Variants in UBE2H observed in about 807,000 individuals in gnomAD.
The protein encoded by UBE2H is ubiquitin-conjugating enzyme E2 H.
In UBE2H, 3 loss-of-function variants were observed where a neutral mutation model predicts 29.0. The observed-to-expected ratio is 0.10, with a 90% CI of 0.05 to 0.27. UBE2H has a LOEUF of 0.27. UBE2H is among the 10% of genes least tolerant of loss of function. The pLI is 1.00. For missense variants in UBE2H, 68 were observed against 228.2 expected, an observed-to-expected ratio of 0.30 and a Z score of 4.52; for synonymous variants, 69 against 82.9, an observed-to-expected ratio of 0.83 and a Z score of 0.91.
intron 1 of UBE2H, among the ~76,000 whole-genome samples, chr7:129,894,472 T>A (rs561910302): frequency 3.5e-4 from 50 of 141,202 alleles, no homozygotes; most frequent in Non-Finnish European, 5.6e-4. Context: ...TTGTTTCATA[T>A]CTAATCCCAT....
At chr7:129,940,290 TATA>T (rs1276488179) in intron 1 of UBE2H, among the ~76,000 whole-genome samples, 2 of 152,214 alleles carry the variant, frequency 1.3e-5, no homozygotes, top group Non-Finnish European at 2.9e-5. Context: ...TACCTTCACA[TATA>T]ATGCTTCCCT....
At chr7:129,839,601 A>T (rs537935974) in intron 5 of UBE2H, 74 of 350,792 alleles carry the variant, frequency 2.1e-4, no homozygotes, top group African/African-American at 1.5e-3. Flanking sequence ...CACTCTATTT[A>T]TATGGCTATT....
At chr7:129,836,701 G>A (rs563698084) in intron 6 of UBE2H, among the ~76,000 whole-genome samples, 37 of 151,922 alleles carry the variant, frequency 2.4e-4, no homozygotes, top group Non-Finnish European at 4.9e-4. Flanking sequence ...CCAACATGGT[G>A]AAACCCCATC....
At chr7:129,919,555 C>T (rs77331340) in intron 1 of UBE2H, among the ~76,000 whole-genome samples, 5,525 of 152,240 alleles carry the variant, frequency 0.036, 149 homozygotes, top group South Asian at 0.13. Flanking sequence ...CCCCTCCACC[C>T]GGAATGCCCC....
At chr7:129,867,740 A>G (rs538520250) in intron 3 of UBE2H, among the ~76,000 whole-genome samples, 1,918 of 138,266 alleles carry the variant, frequency 0.014, 24 homozygotes, top group Non-Finnish European at 0.024. Flanking sequence ...AAAAAAAAAA[A>G]AAGAAGACCA....
chr7:129,882,481 G>A (rs1250783253), intron 1 of UBE2H, among the ~76,000 whole-genome samples: 1 of 152,218 alleles, frequency 6.6e-6, no homozygotes, highest in Non-Finnish European at 1.5e-5. Flanking sequence ...ACACAGAACT[G>A]ACTGCAAGAG....
chr7:129,892,154 G>A (rs902583442), intron 1 of UBE2H, among the ~76,000 whole-genome samples: 11 of 151,932 alleles, frequency 7.2e-5, no homozygotes, highest in East Asian at 3.9e-4. Context: ...GGGTTTCACC[G>A]TAGCCAGGAT....
At chr7:129,943,139 G>A (rs770257922) in intron 1 of UBE2H, among the ~76,000 whole-genome samples, 8 of 152,062 alleles carry the variant, frequency 5.3e-5, no homozygotes, top group South Asian at 2.1e-4. Context: ...CACTATGGCC[G>A]GCCAGATTCC....
At chr7:129,857,224 T>G (rs886757215) in intron 5 of UBE2H, 1 of 361,654 alleles carries the variant, frequency 2.8e-6, no homozygotes, top group African/African-American at 2.1e-5. Flanking sequence ...ATATAAAATG[T>G]TTGCACATGT....
At chr7:129,928,459 C>T (rs1268905415) in intron 1 of UBE2H, among the ~76,000 whole-genome samples, 3 of 152,136 alleles carry the variant, frequency 2.0e-5, no homozygotes, top group South Asian at 4.2e-4. Flanking sequence ...AAAAATTAGC[C>T]GGGTGTGGTG....
At chr7:129,839,466 A>G in intron 5 of UBE2H, 131 bp from the exon 6 acceptor site, 2 of 1,210,836 alleles carry the variant, frequency 1.7e-6, no homozygotes, top group Non-Finnish European at 2.3e-6. Context: ...AGTGTGCTCT[A>G]TTACATGTGA....
chr7:129,876,983 G>A (rs1319311912), intron 3 of UBE2H, among the ~76,000 whole-genome samples: 3 of 152,124 alleles, frequency 2.0e-5, no homozygotes, highest in Non-Finnish European at 4.4e-5. Flanking sequence ...TAAATATTCA[G>A]AGAGAAATGT....
At chr7:129,859,950 A>T (rs1201505818) in intron 3 of UBE2H, among the ~76,000 whole-genome samples, 1 of 152,084 alleles carries the variant, frequency 6.6e-6, no homozygotes, top group Non-Finnish European at 1.5e-5. Context: ...TTGTGCTTGG[A>T]TAGGGTATAA....
chr7:129,898,334 T>C (rs752718286), intron 1 of UBE2H, among the ~76,000 whole-genome samples: 2 of 152,010 alleles, frequency 1.3e-5, no homozygotes, highest in Non-Finnish European at 2.9e-5. Flanking sequence ...AAATGATCTG[T>C]CAGGTACAAT....
chr7:129,943,437 G>T (rs951840978), intron 1 of UBE2H, among the ~76,000 whole-genome samples: 3 of 152,194 alleles, frequency 2.0e-5, no homozygotes, highest in African/African-American at 7.2e-5. Context: ...AATGGGGGTG[G>T]GGAGAGAAGA....
intron 1 of UBE2H, among the ~76,000 whole-genome samples, chr7:129,882,483 C>T (rs1031434530): frequency 2.0e-5 from 3 of 152,226 alleles, no homozygotes; most frequent in African/African-American, 7.2e-5. Context: ...ACAGAACTGA[C>T]TGCAAGAGGC....
At chr7:129,849,449 GC>G (rs1332453283) in intron 5 of UBE2H, among the ~76,000 whole-genome samples, 5 of 151,844 alleles carry the variant, frequency 3.3e-5, no homozygotes, top group African/African-American at 7.3e-5. Context: ...TTGGTGGTGG[GC>G]GCCGGTAATC....
intron 3 of UBE2H, chr7:129,864,927 C>G (rs1805872147): frequency 4.3e-6 from 1 of 233,336 alleles, no homozygotes; most frequent in Admixed American, 4.8e-5. Context: ...GTTTTTTGGA[C>G]AGTTATTCTC....
intron 3 of UBE2H, among the ~76,000 whole-genome samples, chr7:129,872,960 G>A (rs966707362): frequency 1.3e-5 from 2 of 151,644 alleles, no homozygotes; most frequent in African/African-American, 4.8e-5. Flanking sequence ...AGTGGAACAG[G>A]GCAACCTAAA....
Sources: allele counts gnomAD v4.1 joint callset (sites outside exome capture counted in the v4.1 genomes callset), GRCh38; gene constraint gnomAD v4.1.1; transcripts MANE v1.5; gene names NCBI Gene and HGNC (gene_info 2026-07-23, HGNC 2026-07-21).